Variants in KCTD1 observed in about 807,000 individuals in gnomAD.
KCTD1 encodes potassium channel tetramerization domain containing 1, also known as BTB/POZ domain-containing protein KCTD1.
A neutral mutation model predicts 66.0 loss-of-function variants in KCTD1; 24 were observed. That is an observed-to-expected ratio of 0.36 (90% CI 0.26 to 0.51). KCTD1 has a LOEUF of 0.51. Ranked by LOEUF, KCTD1 falls within the 20% of genes least tolerant of loss-of-function variation. The pLI, the probability that KCTD1 is intolerant of heterozygous loss-of-function variation, is 0.95. For synonymous variants in KCTD1, 511 were observed against 517.2 expected, an observed-to-expected ratio of 0.99 and a Z score of 0.16; for missense variants, 943 against 1,205.2, an observed-to-expected ratio of 0.78 and a Z score of 3.22.
chr18:26,636,560 T>C (rs58959612), intron 1 of KCTD1, among the ~76,000 whole-genome samples: 7,240 of 152,282 alleles, frequency 0.048, 306 homozygotes, highest in African/African-American at 0.11. Context: ...TGAATTTCTA[T>C]TGGGTTGGGG....
intron 1 of KCTD1, among the ~76,000 whole-genome samples, chr18:26,504,850 T>G (rs757357637): frequency 5.9e-5 from 9 of 152,188 alleles, no homozygotes; most frequent in African/African-American, 9.7e-5. Flanking sequence ...GAGCTGACAC[T>G]TTCTCAACTT....
upstream of KCTD1, chr18:26,548,901 A>G (rs1378691472): frequency 9.1e-6 from 9 of 990,652 alleles, no homozygotes; most frequent in Non-Finnish European, 1.1e-5. Flanking sequence ...CCTCTGGCGG[A>G]GAATTGCGCG....
intron 1 of KCTD1, among the ~76,000 whole-genome samples, chr18:26,558,708 G>A (rs1222351814): frequency 1.3e-5 from 2 of 152,116 alleles, no homozygotes; most frequent in Non-Finnish European, 2.9e-5. Flanking sequence ...CGGATCACGA[G>A]GTCAAGAGAT....
intron 1 of KCTD1, among the ~76,000 whole-genome samples, chr18:26,525,351 G>A (rs1598917457): frequency 6.6e-6 from 1 of 152,140 alleles, no homozygotes; most frequent in African/African-American, 2.4e-5. Flanking sequence ...TCTGCTGGCG[G>A]AACAAATCTG....
upstream of KCTD1, among the ~76,000 whole-genome samples, chr18:26,550,605 C>CACACACACACACACACACACACA (rs3220688): frequency 6.7e-6 from 1 of 149,986 alleles, no homozygotes; most frequent in African/African-American, 2.5e-5. This position sits in a 1 kb window ranked among gnomAD's most constrained non-coding sequence, Gnocchi z 5.4. Context: ...CACACACACA[C>CACACACACACACACACACACACA]CACGCTCTCA....
In KCTD1 at chr18:26,476,185, C is replaced by T. The variant is rs74474844; in HGVS notation, c.2133+330G>A. Among the ~76,000 whole-genome samples, 10 of 152,178 alleles carry T rather than the reference C, an allele frequency of 6.6e-5. No individual in the cohort carries two copies. In the East Asian group the frequency reaches 1.7e-3, roughly 26 times the overall value. ...TGCTTTCGATTTCTAGGGGCGGGGA[C>T]GGGGAAGTCTTCATTAAGCTAAGGA... On this transcript the variant is annotated intron_variant, in intron 3 of 4. Transcript: ENST00000580059. The surrounding 1 kb of genome is among the most constrained non-coding windows in gnomAD (Gnocchi z 4.9).
intron 1 of KCTD1, among the ~76,000 whole-genome samples, chr18:26,569,178 G>A (rs1334278345): frequency 6.6e-6 from 1 of 152,186 alleles, no homozygotes; most frequent in Non-Finnish European, 1.5e-5. Flanking sequence ...TGAGGAAGTA[G>A]TATTATTATT....
chr18:26,657,213 TA>T (rs1316268981), intron 1 of KCTD1: 1 of 520,762 alleles, frequency 1.9e-6, no homozygotes, highest in Non-Finnish European at 2.5e-6. Flanking sequence ...AGCGGATTCC[TA>T]GTCGCCCGCC....
rs534800628 is a variant in KCTD1 at position 26,637,531 on chromosome 18, G to A, written c.-107+2780C>T. On this transcript the variant is annotated intron_variant, in intron 1 of 5. Coordinates refer to the KCTD1 transcript ENST00000579973. ...TAGTGTGGTCACCCTCCCCTCTGCC[G>A]ATTTCAAGAGCTGGAAACAGAGGGA... Among the ~76,000 whole-genome samples, 12 of 152,312 alleles carry A rather than the reference G, an allele frequency of 7.9e-5. No homozygotes were observed. The East Asian group carries it at 1.7e-3, about 22-fold the overall frequency.
At chr18:26,462,804 G>A (rs138196607) in intron 3 of KCTD1, among the ~76,000 whole-genome samples, 4 of 152,170 alleles carry the variant, frequency 2.6e-5, no homozygotes, top group Middle Eastern at 3.4e-3. Context: ...TAAGTACCAC[G>A]GTTTTTAAAG....
chr18:26,544,327 A>G (rs1489546149), intron 1 of KCTD1: 2 of 152,222 alleles, frequency 1.3e-5, no homozygotes, highest in Non-Finnish European at 2.9e-5. Flanking sequence ...TCCCATAAAT[A>G]ATATACTTAA....
At chr18:26,490,317 A>G (rs552865295) in intron 2 of KCTD1, among the ~76,000 whole-genome samples, 54 of 152,218 alleles carry the variant, frequency 3.5e-4, no homozygotes, top group Middle Eastern at 3.2e-3. Flanking sequence ...GAGCTCAGGA[A>G]TCTGCATCAT....
intron 1 of KCTD1, among the ~76,000 whole-genome samples, chr18:26,535,024 AG>A (rs1270516179): frequency 1.3e-5 from 2 of 148,736 alleles, no homozygotes; most frequent in Non-Finnish European, 3.0e-5. Context: ...GGTGACTCCA[AG>A]ACAGCAGAAT....
At chr18:26,641,632 C>T (rs147875179), upstream of KCTD1, among the ~76,000 whole-genome samples, 1,258 of 152,182 alleles carry the variant, frequency 8.3e-3, 11 homozygotes, top group South Asian at 0.02. Flanking sequence ...TGGTGCAGTC[C>T]GTCTGGCATG....
intron 1 of KCTD1, among the ~76,000 whole-genome samples, chr18:26,583,768 T>A (rs921082055): frequency 9.9e-5 from 15 of 152,246 alleles, no homozygotes; most frequent in African/African-American, 3.6e-4. Flanking sequence ...TTAGGAAATT[T>A]AAAAATATCC....
chr18:26,486,334 G>A (rs1465637626), intron 2 of KCTD1, among the ~76,000 whole-genome samples: 1 of 152,212 alleles, frequency 6.6e-6, no homozygotes, highest in Non-Finnish European at 1.5e-5. Flanking sequence ...TCCCTGAAGA[G>A]TGAGGGCCAG....
At chr18:26,615,510 G>T (rs1475626555) in intron 1 of KCTD1, among the ~76,000 whole-genome samples, 1 of 152,184 alleles carries the variant, frequency 6.6e-6, no homozygotes, top group Non-Finnish European at 1.5e-5. Flanking sequence ...CTTATGAGAA[G>T]AGTGCAAAAT....
chr18:26,477,911 T>C (rs1039321499), intron 2 of KCTD1, among the ~76,000 whole-genome samples: 3 of 152,220 alleles, frequency 2.0e-5, no homozygotes, highest in Non-Finnish European at 4.4e-5. Context: ...TGAGCTAGCA[T>C]TTTATCCAAC....
chr18:26,503,683 T>C (rs1982885595), intron 1 of KCTD1, among the ~76,000 whole-genome samples: 1 of 152,208 alleles, frequency 6.6e-6, no homozygotes, highest in South Asian at 2.1e-4. Flanking sequence ...TCATTCAGCA[T>C]GGCTCTAACA....
Sources: gnomAD v4.1 joint callset for allele counts (sites outside exome capture counted in the v4.1 genomes callset) on GRCh38, gnomAD v4.1.1 for gene constraint, Gnocchi (gnomAD v3.1) non-coding constraint, MANE v1.5 for transcripts, NCBI Gene and HGNC (gene_info 2026-07-23, HGNC 2026-07-21) for gene names.